The following APLF variants were observed in gnomAD, a reference collection of about 807,000 sequenced individuals.
APLF encodes the protein aprataxin and PNKP like factor.
A neutral mutation model predicts 55.6 loss-of-function variants in APLF; 61 were observed. The ratio of observed to expected loss-of-function variants is 1.10; its 90% CI spans 0.89 to 1.36. The LOEUF is 1.36. APLF is among the 40% of genes most tolerant of loss of function. The pLI is 0.00. For synonymous variants in APLF, 207 were observed against 214.8 expected (o/e 0.96, Z 0.32); for missense variants, 611 against 602.5 (o/e 1.01, Z -0.15).
chr2:68,557,355 T>C (rs1671045091), intron 8 of APLF, among the ~76,000 whole-genome samples: 1 of 152,188 alleles, frequency 6.6e-6, no homozygotes, highest in South Asian at 2.1e-4. Flanking sequence ...CCTAACTACA[T>C]TTTCAGTCTG....
chr2:68,538,079 G>T lies in APLF; in HGVS notation c.1012G>T (p.Asp338Tyr). The change falls in exon 7 of 10, where the codon GAT (aspartate) becomes TAT (tyrosine). Residue 338 changes from aspartate to tyrosine, a missense_variant. Asp to Tyr is a radical substitution (Grantham distance 160). Transcript: ENST00000303795. ...CSSAQGDSLQ[D>Y]ESQGSHSESS... The stretch of plus-strand genomic sequence containing the variant: ...GAGTGCCCAGGGCGACTCACTTCAG[G>T]ATGAGTCTCAAGGGTCTCATTCTGA... 6.2e-7 allele frequency: 1 copy of T among 1,614,054 alleles called. No individual in the cohort carries two copies. The highest frequency in any genetic ancestry group is 8.5e-7 in the Non-Finnish European group (1 of 1,179,952).
intron 2 of APLF, among the ~76,000 whole-genome samples, chr2:68,494,076 C>G (rs1676458999): frequency 6.7e-6 from 1 of 148,622 alleles, no homozygotes. Context: ...CCACTGCACT[C>G]TAGCCTGGGT....
chr2:68,520,034 A>G (rs551102518), intron 5 of APLF, among the ~76,000 whole-genome samples: 2 of 151,990 alleles, frequency 1.3e-5, no homozygotes, highest in South Asian at 4.1e-4. Flanking sequence ...GTGATAATGC[A>G]CTGTGGTTTT....
rs796609368 is a variant in APLF at position 68,568,165 on chromosome 2, T to C, written c.1333+778T>C. On this transcript the variant is annotated intron_variant, in intron 9 of 9. Coordinates refer to ENST00000303795, the MANE Select transcript of APLF (RefSeq NM_173545.3). ...ACCTCAATCTGTTTTACCTTCTGTTTGTTATGCTTCTAAACTGTATTTTTC... is the reference window on the plus strand; with the variant it reads ...ACCTCAATCTGTTTTACCTTCTGTTCGTTATGCTTCTAAACTGTATTTTTC... The C allele has an allele frequency of 3.7e-5, 21 of 567,876 alleles. No individual in the cohort carries two copies. In the African/African-American group the frequency reaches 4.3e-4, roughly 12 times the overall value. 35.2% of individuals were successfully genotyped at this position (567,876 alleles called of 1,614,324 possible).
At chr2:68,494,502 G>A (rs758158757) in intron 2 of APLF, among the ~76,000 whole-genome samples, 4 of 151,070 alleles carry the variant, frequency 2.6e-5, no homozygotes, top group Non-Finnish European at 4.4e-5. Context: ...TTTTTTCTTC[G>A]ACTTTTAAGC....
In APLF at chr2:68,578,453, A is replaced by C; in HGVS notation, c.*431A>C. On this transcript the variant is annotated 3_prime_UTR_variant, in exon 10 of 10. Transcript: ENST00000303795. ...TTGTTACTGAAGTAATTCTGTAAGCAGAACCAGGCTTTAAAAAATGCAGCC... is the reference window on the plus strand; with the variant it reads ...TTGTTACTGAAGTAATTCTGTAAGCCGAACCAGGCTTTAAAAAATGCAGCC... The C allele has an allele frequency of 5.1e-6, 5 of 987,798 alleles. No homozygotes were observed. The highest frequency in any genetic ancestry group is 6.0e-6 in the Non-Finnish European group (5 of 831,666). The allele number at this position is 987,798 out of a possible 1,614,324, so 61.2% of individuals were successfully genotyped here. A position where few individuals can be genotyped will look rare whatever the true frequency, so the allele number is the denominator to read the frequency against.
chr2:68,472,660 GGT>G (rs934330226), intron 1 of APLF, among the ~76,000 whole-genome samples: 1 of 152,200 alleles, frequency 6.6e-6, no homozygotes, highest in African/African-American at 2.4e-5. Flanking sequence ...GTTTGACTGT[GGT>G]GTGTTGGGAC....
At chr2:68,484,647 G>A (rs771468253) in intron 1 of APLF, among the ~76,000 whole-genome samples, 19 of 150,714 alleles carry the variant, frequency 1.3e-4, no homozygotes, top group Admixed American at 6.6e-4. Flanking sequence ...AGCCTAGATT[G>A]TGCCATTGCA....
intron 8 of APLF, among the ~76,000 whole-genome samples, chr2:68,556,378 A>C (rs1346098194): frequency 6.6e-6 from 1 of 152,238 alleles, no homozygotes; most frequent in Admixed American, 6.5e-5. Flanking sequence ...AAAAAAAGGT[A>C]TCTTGCCTGT....
chr2:68,563,211 A>T, intron 8 of APLF: 1 of 985,284 alleles, frequency 1.0e-6, no homozygotes, highest in Non-Finnish European at 1.2e-6. Context: ...AGGATGGAAG[A>T]TTCTCAAAGA....
chr2:68,568,149 T>C (rs1190966963), intron 9 of APLF: 2 of 393,784 alleles, frequency 5.1e-6, no homozygotes, highest in African/African-American at 4.4e-5. Flanking sequence ...TACCTCAATC[T>C]GTTTTACCTT....
At chr2:68,544,671 G>C (rs996143810) in intron 7 of APLF, among the ~76,000 whole-genome samples, 1 of 151,882 alleles carries the variant, frequency 6.6e-6, no homozygotes, top group African/African-American at 2.4e-5. Flanking sequence ...TTTAGTGTAA[G>C]AGTCTTGAGA....
chr2:68,549,011 C>T (rs1317087234), intron 8 of APLF, among the ~76,000 whole-genome samples: 1 of 152,008 alleles, frequency 6.6e-6, no homozygotes, highest in Non-Finnish European at 1.5e-5. Flanking sequence ...TACCACAACA[C>T]TGTTATTAAA....
At position 68,540,771 on chromosome 2, in the gene APLF, C is replaced by CGT. The variant is rs1046162460; in HGVS notation, c.1160+2559_1160+2560dup. Among the ~76,000 whole-genome samples, 85 of 148,398 alleles carry CGT rather than the reference C, an allele frequency of 5.7e-4. 1 individual carries two copies. Among genetic ancestry groups the CGT allele is most frequent in the Middle Eastern group, 3.5e-3 (1 of 282 alleles). On this transcript the variant is annotated intron_variant, in intron 7 of 9. Transcript: ENST00000303795. Reference sequence around the variant, plus strand: ...AATCCCAATAGGGTGTATGTGCATGCGTGTGTGTGTGTGTGTATGTGTGTG... The same window carrying CGT: ...AATCCCAATAGGGTGTATGTGCATGCGTGTGTGTGTGTGTGTGTATGTGTGTG...
Position 68,467,790 on chromosome 2 carries a change from C to G in APLF, c.59C>G (p.Pro20Arg). The G allele has an allele frequency of 8.1e-7, 1 of 1,234,144 alleles. No homozygotes were observed. The highest frequency in any genetic ancestry group is 1.0e-6 in the Non-Finnish European group (1 of 988,146). The allele number at this position is 1,234,144 out of a possible 1,614,324, so 76.4% of individuals were successfully genotyped here. A position where few individuals can be genotyped will look rare whatever the true frequency, so the allele number is the denominator to read the frequency against. ...RDGGPRVALA[P>R]GETVIGRGPL... ...GGCGGTCCCCGGGTGGCCCTGGCGC[C>G]CGGGGAGACGGTGATCGGCCGCGGG... The change falls in exon 1 of 10, where the codon CCC (proline) becomes CGC (arginine). Residue 20 changes from proline to arginine, a missense_variant. Coordinates refer to ENST00000303795, the MANE Select transcript of APLF (RefSeq NM_173545.3).
intron 6 of APLF, among the ~76,000 whole-genome samples, chr2:68,534,375 T>C (rs1670334344): frequency 6.6e-6 from 1 of 152,120 alleles, no homozygotes; most frequent in Non-Finnish European, 1.5e-5. Context: ...AGACAGGACT[T>C]TTAAGGTAAT....
At chr2:68,514,802 A>G (rs6714515) in intron 5 of APLF, among the ~76,000 whole-genome samples, 23,591 of 151,700 alleles carry the variant, frequency 0.16, 4,104 homozygotes, top group African/African-American at 0.43. Context: ...AACTTTATAG[A>G]TTATAGTTAA....
rs1670571692 is a variant in APLF at position 68,542,209 on chromosome 2, A to G, written c.1161-2978A>G. Reference sequence around the variant, plus strand: ...TCTAAAACTACAAGACTCTTAGAAGAAAATGGGGGAGAAGCTTCATGACAT... The same window carrying G: ...TCTAAAACTACAAGACTCTTAGAAGGAAATGGGGGAGAAGCTTCATGACAT... On this transcript the variant is annotated intron_variant, in intron 7 of 9. Coordinates refer to ENST00000303795, the MANE Select transcript of APLF (RefSeq NM_173545.3). 2.0e-5 allele frequency among the ~76,000 whole-genome samples: 3 copies of G among 152,202 alleles called. No individual in the cohort carries two copies. The South Asian group carries it at 6.2e-4, about 31-fold the overall frequency.
At chr2:68,490,294 T>C in intron 2 of APLF, 33 bp downstream of exon 2, 1 of 1,583,504 alleles carries the variant, frequency 6.3e-7, no homozygotes, top group Non-Finnish European at 8.6e-7. Flanking sequence ...ATTTTAACTT[T>C]CATCTCTTAC....
Sources: allele counts gnomAD v4.1 joint callset (sites outside exome capture counted in the v4.1 genomes callset), GRCh38; gene constraint gnomAD v4.1.1; transcripts MANE v1.5; gene names NCBI Gene and HGNC (gene_info 2026-07-23, HGNC 2026-07-21).